TMEM132D: variants seen among roughly 807,000 people sequenced by gnomAD.
TMEM132D encodes the protein mature OL transmembrane protein.
TMEM132D carries 21 observed loss-of-function variants against 62.3 expected under a neutral mutation model. That is an observed-to-expected ratio of 0.34 (90% CI 0.24 to 0.49). The LOEUF is 0.49. TMEM132D is among the 20% of genes least tolerant of loss of function. TMEM132D has a pLI of 0.99. For missense variants in TMEM132D, 1,346 were observed against 1,402.8 expected (o/e 0.96, Z 0.65); for synonymous variants, 621 against 575.6 (o/e 1.08, Z -1.13).
intron 1 of TMEM132D, among the ~76,000 whole-genome samples, chr12:129,849,938 T>G (rs1249986675): frequency 6.6e-6 from 1 of 152,192 alleles, no homozygotes; most frequent in East Asian, 1.9e-4. Flanking sequence ...CCTGCCTGTC[T>G]TGTCAAATGG....
chr12:129,651,146 T>G (rs1483131719), intron 2 of TMEM132D, among the ~76,000 whole-genome samples: 1 of 152,246 alleles, frequency 6.6e-6, no homozygotes, highest in Non-Finnish European at 1.5e-5. Flanking sequence ...TGTGTGTGTA[T>G]GTGTGTTTGT....
intron 3 of TMEM132D, among the ~76,000 whole-genome samples, chr12:129,490,367 C>T (rs952220321): frequency 6.0e-5 from 9 of 150,190 alleles, no homozygotes; most frequent in African/African-American, 2.2e-4. Flanking sequence ...TCTTGTTTGG[C>T]CTTGATGATA....
At chr12:129,391,036 G>C (rs370356315) in intron 3 of TMEM132D, among the ~76,000 whole-genome samples, 1 of 152,130 alleles carries the variant, frequency 6.6e-6, no homozygotes, top group East Asian at 1.9e-4. Context: ...CTCTATAACT[G>C]TTCATTCTTA....
At chr12:129,136,965 C>T (rs552537905) in intron 5 of TMEM132D, among the ~76,000 whole-genome samples, 1 of 149,736 alleles carries the variant, frequency 6.7e-6, no homozygotes, top group East Asian at 2.0e-4. Context: ...CCATCATTAT[C>T]ATCATCACCA....
chr12:129,686,963 T>C (rs1235112250), intron 2 of TMEM132D, among the ~76,000 whole-genome samples: 1 of 152,180 alleles, frequency 6.6e-6, no homozygotes, highest in East Asian at 1.9e-4. Flanking sequence ...TTCAATCAAA[T>C]GGGTATAAAA....
chr12:129,632,118 T>G (rs1879360467), intron 2 of TMEM132D, among the ~76,000 whole-genome samples: 1 of 152,194 alleles, frequency 6.6e-6, no homozygotes. Context: ...CGGTGCTGAC[T>G]TATGAAAGAC....
At chr12:129,635,776 A>C (rs960622143) in intron 2 of TMEM132D, among the ~76,000 whole-genome samples, 2 of 152,188 alleles carry the variant, frequency 1.3e-5, no homozygotes, top group African/African-American at 4.8e-5. Context: ...AATGTGAGTG[A>C]CCATGGCCCA....
At chr12:129,281,112 G>A (rs11060232) in intron 4 of TMEM132D, among the ~76,000 whole-genome samples, 13 of 152,082 alleles carry the variant, frequency 8.5e-5, no homozygotes, top group Admixed American at 5.2e-4. Context: ...TTGCTAATCA[G>A]AAAATAACTC....
At chr12:129,504,975 G>A (rs1331879051) in intron 3 of TMEM132D, among the ~76,000 whole-genome samples, 1 of 152,168 alleles carries the variant, frequency 6.6e-6, no homozygotes, top group Non-Finnish European at 1.5e-5. Context: ...TTGACCCACT[G>A]ATAATTCAAG....
At chr12:129,442,245 A>G (rs1387134133) in intron 3 of TMEM132D, among the ~76,000 whole-genome samples, 1 of 152,254 alleles carries the variant, frequency 6.6e-6, no homozygotes, top group African/African-American at 2.4e-5. Context: ...GCATTGACAC[A>G]TTCTGTTAGA....
intron 1 of TMEM132D, among the ~76,000 whole-genome samples, chr12:129,866,539 A>C (rs1785095457): frequency 1.3e-5 from 2 of 152,070 alleles, no homozygotes; most frequent in African/African-American, 4.8e-5. Flanking sequence ...ACATGTATAC[A>C]TATGTAACAA....
intron 5 of TMEM132D, among the ~76,000 whole-genome samples, chr12:129,179,856 C>T (rs555809085): frequency 6.6e-6 from 1 of 151,992 alleles, no homozygotes; most frequent in South Asian, 2.1e-4. Flanking sequence ...GGCGAAACTC[C>T]GTCTCTACTA....
At chr12:129,838,326 C>A (rs1467349784) in intron 1 of TMEM132D, among the ~76,000 whole-genome samples, 2 of 152,216 alleles carry the variant, frequency 1.3e-5, no homozygotes, top group African/African-American at 4.8e-5. Flanking sequence ...TCCGAAAAAT[C>A]TGAAAGACTG....
rs1565959551 is a variant in TMEM132D at position 129,087,973 on chromosome 12, ATGACCGGGTGTCCTCCATGACCGGGG to A, written c.1444-3297_1444-3272del. On this transcript the variant is annotated intron_variant, in intron 5 of 8. Coordinates refer to ENST00000422113, the MANE Select transcript of TMEM132D (RefSeq NM_133448.3). ...GTCCTCCCTGACCGGGGTGTCCTCCATGACCGGGTGTCCTCCATGACCGGGGTGTCCTCCATGACCGGGTGTCCTCC... is the reference window on the plus strand; with the variant it reads ...GTCCTCCCTGACCGGGGTGTCCTCCATGTCCTCCATGACCGGGTGTCCTCC... Among the ~76,000 whole-genome samples, 5 of 32,760 alleles carry A rather than the reference ATGACCGGGTGTCCTCCATGACCGGGG, an allele frequency of 1.5e-4. 1 individual carries two copies. Among genetic ancestry groups the A allele is most frequent in the Non-Finnish European group, 3.8e-4 (5 of 13,232 alleles). 21.5% of individuals were successfully genotyped at this position (32,760 alleles called of 152,430 possible).
At position 129,903,503 on chromosome 12, in the gene TMEM132D, G is replaced by T. The variant is rs1875441963; in HGVS notation, c.-164C>A. ...CTGCTCCCTCTTCCCGCCAGTCCATGGCCAGGCCGGGAGGCGACGACCGCG... is the reference window on the plus strand; with the variant it reads ...CTGCTCCCTCTTCCCGCCAGTCCATTGCCAGGCCGGGAGGCGACGACCGCG... On this transcript the variant is annotated 5_prime_UTR_variant, in exon 1 of 9. Transcript: ENST00000422113. The surrounding 1 kb of genome is among the most constrained non-coding windows in gnomAD (Gnocchi z 6.2). The T allele has an allele frequency of 3.0e-6, 2 of 677,878 alleles. No individual in the cohort carries two copies. The highest frequency in any genetic ancestry group is 5.8e-5 in the Admixed American group (2 of 34,310). The allele number at this position is 677,878 out of a possible 1,614,324, so 42.0% of individuals were successfully genotyped here.
intron 2 of TMEM132D, among the ~76,000 whole-genome samples, chr12:129,582,038 G>A (rs886494796): frequency 2.6e-5 from 4 of 152,176 alleles, no homozygotes; most frequent in Non-Finnish European, 5.9e-5. Flanking sequence ...ACAGACGGGA[G>A]GGTCAGTATC....
At chr12:129,644,266 G>A (rs1049456244) in intron 2 of TMEM132D, among the ~76,000 whole-genome samples, 4 of 152,104 alleles carry the variant, frequency 2.6e-5, no homozygotes, top group African/African-American at 9.7e-5. Context: ...CTCAACCTTG[G>A]CAAAAGAAAC....
At chr12:129,357,133 G>A (rs1055363716) in intron 3 of TMEM132D, among the ~76,000 whole-genome samples, 25 of 151,734 alleles carry the variant, frequency 1.6e-4, no homozygotes, top group African/African-American at 5.8e-4. Context: ...TGTAGTCCCA[G>A]CTACTTGGGA....
intron 4 of TMEM132D, among the ~76,000 whole-genome samples, chr12:129,221,495 G>A (rs1879344899): frequency 6.6e-6 from 1 of 152,178 alleles, no homozygotes; most frequent in South Asian, 2.1e-4. Flanking sequence ...CTGGGCAGCA[G>A]GATAGATTGC....
Sources: allele counts gnomAD v4.1 joint callset (sites outside exome capture counted in the v4.1 genomes callset), GRCh38; gene constraint gnomAD v4.1.1; non-coding constraint Gnocchi (gnomAD v3.1); transcripts MANE v1.5; gene names NCBI Gene and HGNC (gene_info 2026-07-23, HGNC 2026-07-21).